The following SGCD variants were observed in gnomAD, a reference collection of about 807,000 sequenced individuals.
The protein encoded by SGCD is sarcoglycan delta, also known as delta-sarcoglycan.
Under a neutral mutation model 36.6 loss-of-function variants are expected in SGCD, and 18 were observed. The ratio of observed to expected loss-of-function variants is 0.49; its 90% confidence interval spans 0.34 to 0.73. SGCD has a LOEUF of 0.73. SGCD is among the 30% of genes least tolerant of loss of function. The pLI is 0.01. For missense variants in SGCD, 387 were observed against 346.7 expected (o/e 1.12, Z -0.92); for synonymous variants, 133 against 130.6 (o/e 1.02, Z -0.12).
At chr5:156,346,165 G>T (rs1768923070) in intron 3 of SGCD, among the ~76,000 whole-genome samples, 1 of 151,796 alleles carries the variant, frequency 6.6e-6, no homozygotes, top group African/African-American at 2.4e-5. Context: ...ACTGCTTCAG[G>T]CCTCAGAATG....
At chr5:156,173,899 C>T (rs1434947380) in intron 3 of SGCD, among the ~76,000 whole-genome samples, 2 of 151,622 alleles carry the variant, frequency 1.3e-5, no homozygotes, top group Non-Finnish European at 2.9e-5. Context: ...TTATATTGCA[C>T]CTGCAATTAC....
intron 7 of SGCD, among the ~76,000 whole-genome samples, chr5:156,730,807 T>G (rs1014591878): frequency 6.6e-6 from 1 of 152,164 alleles, no homozygotes; most frequent in African/African-American, 2.4e-5. Context: ...TTTAGGTCTT[T>G]AAGGAATTGC....
intron 1 of SGCD, among the ~76,000 whole-genome samples, chr5:156,027,131 C>G (rs1759240421): frequency 6.6e-6 from 1 of 152,134 alleles, no homozygotes. Flanking sequence ...GTATTTCAAA[C>G]AGGGTTAGCA....
chr5:156,490,751 G>A (rs1323884739), intron 3 of SGCD, among the ~76,000 whole-genome samples: 2 of 151,952 alleles, frequency 1.3e-5, no homozygotes, highest in Non-Finnish European at 2.9e-5. Flanking sequence ...CTATCCTCAT[G>A]CTGAATAGGG....
rs188342144 is a variant in SGCD at position 155,882,401 on chromosome 5, A to G, written c.-282+11977A>G. Among the ~76,000 whole-genome samples the G allele has an allele frequency of 1.6e-3, 242 of 152,312 alleles. 1 individual carries two copies. The highest frequency in any genetic ancestry group is 2.7e-3 in the South Asian group (13 of 4,832). ...GCCACAAATGTTCCTAATGACATCT[A>G]GCATGGTGAATTATTTCCAGAAGGT... On this transcript the variant is annotated intron_variant, in intron 1 of 9. Coordinates refer to the SGCD transcript ENST00000517913.
chr5:156,417,837 A>T (rs943850643), intron 3 of SGCD, among the ~76,000 whole-genome samples: 1 of 152,152 alleles, frequency 6.6e-6, no homozygotes, highest in Non-Finnish European at 1.5e-5. Context: ...ACAGGAACTG[A>T]ACTGCTCATC....
intron 4 of SGCD, among the ~76,000 whole-genome samples, chr5:156,578,967 G>A (rs539543855): frequency 1.3e-5 from 2 of 152,238 alleles, no homozygotes; most frequent in Admixed American, 1.3e-4. Context: ...ACTTTTGAAT[G>A]TGTTTGCTCT....
chr5:156,673,947 C>T (rs1456720880), intron 7 of SGCD, among the ~76,000 whole-genome samples: 1 of 152,160 alleles, frequency 6.6e-6, no homozygotes, highest in Non-Finnish European at 1.5e-5. Flanking sequence ...CATAATGCAT[C>T]TGTCTATTAG....
rs1399929824 is a variant in SGCD, at chr5:156,625,319, A to G, written c.503-22145A>G. ...ATTAAACAAAATGTCCAGGATTACC[A>G]AAGAAAGCTAATTAGATACAGTTGC... On this transcript the variant is annotated intron_variant, in intron 6 of 8. Transcript: ENST00000337851. Among the ~76,000 whole-genome samples the G allele has an allele frequency of 2.0e-5, 3 of 152,212 alleles. No homozygotes were observed. The East Asian group carries it at 5.8e-4, about 29-fold the overall frequency.
chr5:156,735,059 G>T (rs188582395), intron 7 of SGCD, among the ~76,000 whole-genome samples: 1 of 152,114 alleles, frequency 6.6e-6, no homozygotes, highest in African/African-American at 2.4e-5. Context: ...CTTTTCTTAA[G>T]GCCTGCTGCA....
chr5:156,170,662 G>A (rs191665597), intron 3 of SGCD, among the ~76,000 whole-genome samples: 25 of 152,286 alleles, frequency 1.6e-4, no homozygotes, highest in Non-Finnish European at 2.9e-4. Context: ...CTTCTCTGTA[G>A]CAGCAATGCA....
chr5:156,060,635 G>T (rs1760180839), intron 1 of SGCD, among the ~76,000 whole-genome samples: 2 of 145,884 alleles, frequency 1.4e-5, no homozygotes, highest in Middle Eastern at 3.6e-3. Flanking sequence ...TTGTTTTGTT[G>T]CATAGAAATA....
At chr5:156,377,145 A>G (rs1211543713) in intron 3 of SGCD, among the ~76,000 whole-genome samples, 1 of 152,234 alleles carries the variant, frequency 6.6e-6, no homozygotes, top group East Asian at 1.9e-4. Flanking sequence ...TAATGAACTT[A>G]ATACTTACTA....
At chr5:155,856,974 C>T in the SGCD span, among the ~76,000 whole-genome samples, 3 of 152,200 alleles carry the variant, frequency 2.0e-5, no homozygotes, top group South Asian at 6.2e-4. Flanking sequence ...TGGCTCACGC[C>T]TGTAATCCCA....
intron 3 of SGCD, among the ~76,000 whole-genome samples, chr5:156,411,098 T>C (rs969294301): frequency 6.6e-6 from 1 of 152,242 alleles, no homozygotes; most frequent in Non-Finnish European, 1.5e-5. Context: ...CTTGATGTTT[T>C]ATTTCTTTGA....
chr5:156,227,067 C>T (rs749407354), intron 3 of SGCD, among the ~76,000 whole-genome samples: 23 of 152,024 alleles, frequency 1.5e-4, no homozygotes, highest in East Asian at 9.7e-4. Context: ...ATTCTGCTGA[C>T]GGTTCTTTTG....
At chr5:156,624,225 G>C (rs2113509301) in intron 6 of SGCD, among the ~76,000 whole-genome samples, 1 of 152,226 alleles carries the variant, frequency 6.6e-6, no homozygotes, top group East Asian at 1.9e-4. Flanking sequence ...AGTTGGGGAA[G>C]AAGCTGTTCC....
At chr5:156,313,917 C>T (rs765168437) in intron 3 of SGCD, among the ~76,000 whole-genome samples, 4 of 151,912 alleles carry the variant, frequency 2.6e-5, no homozygotes, top group Non-Finnish European at 4.4e-5. Context: ...CAGCACAGGC[C>T]GTGACATCTA....
At chr5:156,214,719 A>G (rs1406806232) in intron 3 of SGCD, among the ~76,000 whole-genome samples, 1 of 152,096 alleles carries the variant, frequency 6.6e-6, no homozygotes, top group Non-Finnish European at 1.5e-5. Context: ...TGTAATAATC[A>G]AAACAGCATG....
Sources: gnomAD v4.1 joint callset for allele counts (sites outside exome capture counted in the v4.1 genomes callset) on GRCh38, gnomAD v4.1.1 for gene constraint, MANE v1.5 for transcripts, NCBI Gene and HGNC (gene_info 2026-07-23, HGNC 2026-07-21) for gene names.